The following NTHL1 variants were observed in gnomAD, a reference collection of about 807,000 sequenced individuals.
The protein encoded by NTHL1 is nth like DNA glycosylase 1.
A neutral mutation model predicts 32.3 loss-of-function variants in NTHL1; 32 were observed. The ratio of observed to expected loss-of-function variants is 0.99; its 90% CI spans 0.75 to 1.33. NTHL1 has a LOEUF of 1.33. Among genes scored for constraint, NTHL1 ranks in the 40% most tolerant of loss-of-function variants. The probability of loss-of-function intolerance (pLI) is 0.00; values close to 1 mark genes in which losing one functional copy is unlikely to be tolerated. For missense variants in NTHL1, 501 were observed against 414.1 expected (o/e 1.21, Z -1.82); for synonymous variants, 188 against 176.9 (o/e 1.06, Z -0.50).
chr16:2,041,887 C>A (rs1004255638), intron 4 of NTHL1: 2 of 373,330 alleles, frequency 5.4e-6, no homozygotes, highest in Non-Finnish European at 1.1e-5. Flanking sequence ...GGATTACAGG[C>A]GTGAGCCACC....
rs756612488 is a variant in NTHL1 at position 2,043,556 on chromosome 16, C to A, written c.685+11G>T. The A allele has an allele frequency of 6.2e-7, 1 of 1,604,942 alleles. No homozygotes were observed. Among genetic ancestry groups the A allele is most frequent in the East Asian group, 2.2e-5 (1 of 44,876 alleles). On this transcript the variant is annotated intron_variant, in intron 4 of 5. Transcript: ENST00000651570. This position sits in a 1 kb window ranked among gnomAD's most constrained non-coding sequence, Gnocchi z 4.4. Reference sequence around the variant, plus strand: ...AGTGGGCTGGAGCCAGCCCCGCCCTCCTCTACTCACCAATGCCTGACACAG... The same window carrying A: ...AGTGGGCTGGAGCCAGCCCCGCCCTACTCTACTCACCAATGCCTGACACAG...
intron 1 of NTHL1, 60 bp from the exon 2 acceptor site, chr16:2,046,426 G>C (rs1307132152): frequency 1.4e-6 from 2 of 1,474,402 alleles, no homozygotes; most frequent in Admixed American, 1.8e-5. Flanking sequence ...GGGTAGGGGT[G>C]CCATCCCGCC....
chr16:2,045,111 C>T (rs1163830110), intron 2 of NTHL1, among the ~76,000 whole-genome samples: 2 of 152,216 alleles, frequency 1.3e-5, no homozygotes, highest in East Asian at 1.9e-4. Context: ...CCAAGGCAGG[C>T]GGATCACCTG....
At position 2,046,301 on chromosome 16, in the gene NTHL1, C is replaced by T. The variant is rs1429511641; in HGVS notation, c.181G>A (p.Glu61Lys). The T allele has an allele frequency of 1.2e-6, 2 of 1,613,074 alleles. No homozygotes were observed. The highest frequency in any genetic ancestry group is 1.3e-5 in the African/African-American group (1 of 74,954). ...TCACCTTTCTCACTGTCCGAGCCCT[C>T]ATAGGCCACACGCAGTCTCTGTGCT... is the stretch of plus-strand genomic sequence containing the variant. ...RKAQRLRVAY[E>K]GSDSEKGEGA... Residue 61 changes from glutamate to lysine, a missense_variant, in exon 2 of 6, where the codon GAG (glutamate) becomes AAG (lysine). Glu to Lys is a moderately conservative substitution (Grantham distance 56). Transcript: ENST00000651570.
At chr16:2,040,473 T>C (rs2084250293) in intron 4 of NTHL1, 2 of 599,256 alleles carry the variant, frequency 3.3e-6, no homozygotes, top group Admixed American at 2.6e-5. Context: ...TGAGCCAGCC[T>C]GGGGGGCTCT....
Position 2,043,892 on chromosome 16 carries a change from A to G in NTHL1, c.526-166T>C. 1.3e-6 allele frequency: 1 copy of G among 757,134 alleles called. No homozygotes were observed. Among genetic ancestry groups the G allele is most frequent in the Admixed American group, 2.2e-5 (1 of 45,386 alleles). 46.9% of individuals were successfully genotyped at this position (757,134 alleles called of 1,614,324 possible). A position where few individuals can be genotyped will look rare whatever the true frequency, so the allele number is the denominator to read the frequency against. On this transcript the variant is annotated intron_variant, in intron 3 of 5. Coordinates refer to ENST00000651570, the MANE Select transcript of NTHL1 (RefSeq NM_002528.7). The surrounding 1 kb of genome is among the most constrained non-coding windows in gnomAD (Gnocchi z 4.4). ...GAGGCGGGAACAAGCGGAGGGCAGC[A>G]GGGAGGCCCAAGGTAGGCCTGACCC...
rs945107001 is a variant in NTHL1 at position 2,046,665 on chromosome 16, C to T, written c.116-299G>A. On this transcript the variant is annotated intron_variant, in intron 1 of 5. Coordinates refer to ENST00000651570, the MANE Select transcript of NTHL1 (RefSeq NM_002528.7). ...TGCTAACACCCACATCAGGTTGTGTCACTCCCTTTTAAAAAATCCTGGCCG... is the reference window on the plus strand; with the variant it reads ...TGCTAACACCCACATCAGGTTGTGTTACTCCCTTTTAAAAAATCCTGGCCG... Among the ~76,000 whole-genome samples the T allele has an allele frequency of 2.0e-5, 3 of 152,274 alleles. No homozygotes were observed. In the South Asian group the frequency reaches 6.2e-4, roughly 32 times the overall value.
rs781328762 is a variant in NTHL1 at position 2,047,780 on chromosome 16, A to G, written c.44T>C (p.Leu15Pro). 1.7e-4 allele frequency: 269 copies of G among 1,588,974 alleles called. No homozygotes were observed. Among genetic ancestry groups the G allele is most frequent in the Middle Eastern group, 5.0e-4 (3 of 6,030 alleles). ...SARMLTRSRS[L>P]GPGAGPRGCR... Reference sequence around the variant, plus strand: ...CCCCCGCGGCCCAGCCCCGGGTCCCAGGCTCCGGCTCCGGGTCAGCATCCT... The same window carrying G: ...CCCCCGCGGCCCAGCCCCGGGTCCCGGGCTCCGGCTCCGGGTCAGCATCCT... The change falls in exon 1 of 6, where the codon CTG becomes CCG. Residue 15 changes from leucine (L) to proline (P), a missense_variant. Transcript: ENST00000651570.
At position 2,046,146 on chromosome 16, in the gene NTHL1, G is replaced by A; in HGVS notation, c.336C>T (p.Asp112=). 1 of 1,612,912 alleles carries A rather than the reference G, an allele frequency of 6.2e-7. No individual in the cohort carries two copies. Among genetic ancestry groups the A allele is most frequent in the South Asian group, 1.1e-5 (1 of 91,086 alleles). The change falls in exon 2 of 6, where the codon GAC becomes GAT. Residue 112 remains aspartate (D), a synonymous_variant. Coordinates refer to ENST00000651570, the MANE Select transcript of NTHL1 (RefSeq NM_002528.7). ...TGCCTACCTTTGGGGGGGCACTGGA[G>A]TCATAGCAGTGCTCAGTCCCCAGAT... ...VDHLGTEHCY[D]SSAPPKVRRY...
intron 4 of NTHL1, among the ~76,000 whole-genome samples, chr16:2,041,126 C>T (rs180823219): frequency 5.9e-5 from 9 of 152,362 alleles, no homozygotes; most frequent in African/African-American, 1.9e-4. Context: ...AAGAGAAAGC[C>T]GAGGCCTGCA....
rs1286930984 is a variant in NTHL1, at chr16:2,043,525, G to A, written c.685+42C>T. The A allele has an allele frequency of 1.3e-6, 2 of 1,598,552 alleles. No homozygotes were observed. Among genetic ancestry groups the A allele is most frequent in the Non-Finnish European group, 1.7e-6 (2 of 1,179,260 alleles). The stretch of plus-strand genomic sequence containing the variant: ...CACAAGGATGTGGGGAATCCCAAGA[G>A]CAGCCAGTGGGCTGGAGCCAGCCCC... On this transcript the variant is annotated intron_variant, in intron 4 of 5. Coordinates refer to ENST00000651570, the MANE Select transcript of NTHL1 (RefSeq NM_002528.7). This position sits in a 1 kb window ranked among gnomAD's most constrained non-coding sequence, Gnocchi z 4.4.
At chr16:2,042,373 C>T (rs972924238) in intron 4 of NTHL1, among the ~76,000 whole-genome samples, 2 of 152,174 alleles carry the variant, frequency 1.3e-5, no homozygotes, top group African/African-American at 4.8e-5. Context: ...GAGGCCCTGC[C>T]CCGGCGCACC....
chr16:2,043,464 G>T lies in NTHL1; in HGVS notation c.685+103C>A. On this transcript the variant is annotated intron_variant, in intron 4 of 5. Transcript: ENST00000651570. The surrounding 1 kb of genome is among the most constrained non-coding windows in gnomAD (Gnocchi z 4.4). Reference sequence around the variant, plus strand: ...GCACCTTTCTGACTCTATGGGCTGGGTGGAGGACCAGCATGCTGGAAGTGG... The same window carrying T: ...GCACCTTTCTGACTCTATGGGCTGGTTGGAGGACCAGCATGCTGGAAGTGG... The T allele has an allele frequency of 6.6e-7, 1 of 1,508,528 alleles. No individual in the cohort carries two copies. Among genetic ancestry groups the T allele is most frequent in the Non-Finnish European group, 9.0e-7 (1 of 1,108,574 alleles). 93.4% of individuals were successfully genotyped at this position (1,508,528 alleles called of 1,614,324 possible).
Position 2,043,755 on chromosome 16 carries a change from G to T in NTHL1, c.526-29C>A. On this transcript the variant is annotated intron_variant, in intron 3 of 5. Coordinates refer to ENST00000651570, the MANE Select transcript of NTHL1 (RefSeq NM_002528.7). The surrounding 1 kb of genome is among the most constrained non-coding windows in gnomAD (Gnocchi z 4.4). Reference sequence around the variant, plus strand: ...AAAGACAGGGGTGGGTTCAGCCTTGGAGGCAAGGGCACAGCCCAACCTGGG... The same window carrying T: ...AAAGACAGGGGTGGGTTCAGCCTTGTAGGCAAGGGCACAGCCCAACCTGGG... 3.1e-6 allele frequency: 5 copies of T among 1,609,110 alleles called. No individual in the cohort carries two copies. The highest frequency in any genetic ancestry group is 3.4e-6 in the Non-Finnish European group (4 of 1,179,862).
Position 2,043,309 on chromosome 16 carries a change from G to T in NTHL1, c.685+258C>A, listed in dbSNP as rs565894134. ...GAATTCCTCGCTCCACATTTCTCCC[G>T]AATACAACGCAGATGGAGTCCAGCT... On this transcript the variant is annotated intron_variant, in intron 4 of 5. Coordinates refer to ENST00000651570, the MANE Select transcript of NTHL1 (RefSeq NM_002528.7). This position sits in a 1 kb window ranked among gnomAD's most constrained non-coding sequence, Gnocchi z 4.4. Among the ~76,000 whole-genome samples, 1 of 152,106 alleles carries T rather than the reference G, an allele frequency of 6.6e-6. No individual in the cohort carries two copies. Among genetic ancestry groups the T allele is most frequent in the African/African-American group, 2.4e-5 (1 of 41,518 alleles).
At chr16:2,041,172 G>A (rs925029571) in intron 4 of NTHL1, among the ~76,000 whole-genome samples, 6 of 152,240 alleles carry the variant, frequency 3.9e-5, no homozygotes, top group East Asian at 3.9e-4. Context: ...AAAGGTGTCC[G>A]AGGGTGTGGG....
In NTHL1 at chr16:2,046,124, C is replaced by G. The variant is rs771353497; in HGVS notation, c.354+4G>C. 1 of 1,611,224 alleles carries G rather than the reference C, an allele frequency of 6.2e-7. No individual in the cohort carries two copies. The highest frequency in any genetic ancestry group is 2.2e-5 in the East Asian group (1 of 44,840). On this transcript the variant is annotated splice_donor_region_variant and intron_variant, in intron 2 of 5. Coordinates refer to ENST00000651570, the MANE Select transcript of NTHL1 (RefSeq NM_002528.7). ...TCATCTGGGCAGATGGGGCCCCTGC[C>G]TACCTTTGGGGGGGCACTGGAGTCA...
In NTHL1 at chr16:2,044,718, A is replaced by AGTCGCTGCATGGCGCCCGCC; in HGVS notation, c.417_436dup (p.Leu146ArgfsTer13). The AGTCGCTGCATGGCGCCCGCC allele has an allele frequency of 1.2e-6, 2 of 1,612,242 alleles. No individual in the cohort carries two copies. The highest frequency in any genetic ancestry group is 1.7e-6 in the Non-Finnish European group (2 of 1,179,820). On this transcript the variant is annotated frameshift_variant, in exon 3 of 6. Coordinates refer to ENST00000651570, the MANE Select transcript of NTHL1 (RefSeq NM_002528.7). LOFTEE classifies it high-confidence loss of function. The surrounding 1 kb of genome is among the most constrained non-coding windows in gnomAD (Gnocchi z 5.0). ...GTCCACCGTCAGGCCCCGCGCCCGC[A>AGTCGCTGCATGGCGCCCGCC]GTCGCTGCATGGCGCCCGCCGTCAC...
At chr16:2,040,747 C>T (rs549987518) in intron 4 of NTHL1, among the ~76,000 whole-genome samples, 6 of 152,182 alleles carry the variant, frequency 3.9e-5, no homozygotes, top group African/African-American at 9.7e-5. Context: ...ACCTCTCAGC[C>T]CTCAGCCTCC....
Sources: allele counts gnomAD v4.1 joint callset (sites outside exome capture counted in the v4.1 genomes callset), GRCh38; gene constraint gnomAD v4.1.1; non-coding constraint Gnocchi (gnomAD v3.1); transcripts MANE v1.5; gene names NCBI Gene and HGNC (gene_info 2026-07-23, HGNC 2026-07-21).